Variants in NAV2 observed in about 807,000 individuals in gnomAD.
NAV2 encodes neuron navigator 2.
Under a neutral mutation model 223.2 loss-of-function variants are expected in NAV2, and 54 were observed. The ratio of observed to expected loss-of-function variants is 0.24; its 90% confidence interval spans 0.19 to 0.30. The LOEUF is 0.30. Among genes scored for constraint, NAV2 ranks in the 10% least tolerant of loss-of-function variants. The probability of loss-of-function intolerance (pLI) is 1.00; values close to 1 mark genes in which losing one functional copy is unlikely to be tolerated. For missense variants in NAV2, 2,806 were observed against 3,147.5 expected (o/e 0.89, Z 2.60); for synonymous variants, 1,279 against 1,239.3 (o/e 1.03, Z -0.67).
At chr11:19,628,793 C>T (rs2047252821) in intron 1 of NAV2, among the ~76,000 whole-genome samples, 1 of 152,194 alleles carries the variant, frequency 6.6e-6, no homozygotes, top group Admixed American at 6.5e-5. Flanking sequence ...ACCAGGTACA[C>T]CAAGGTCCCC....
At chr11:20,095,621 G>T in intron 29 of NAV2, 51 bp from the exon 30 acceptor site, 1 of 1,343,238 alleles carries the variant, frequency 7.4e-7, no homozygotes, top group Non-Finnish European at 1.1e-6. Context: ...GCTGAACTGA[G>T]TCAGAAAAGA....
At chr11:19,784,371 A>G (rs940771780) in intron 1 of NAV2, among the ~76,000 whole-genome samples, 1 of 144,370 alleles carries the variant, frequency 6.9e-6, no homozygotes, top group Non-Finnish European at 1.5e-5. Context: ...CTGGGCAACA[A>G]GATCAAAGCT....
chr11:19,847,801 C>T (rs1256777363), intron 3 of NAV2, among the ~76,000 whole-genome samples: 1 of 152,188 alleles, frequency 6.6e-6, no homozygotes, highest in Non-Finnish European at 1.5e-5. Context: ...TTCATCCTCC[C>T]AACAGCCCTT....
chr11:19,862,593 T>A (rs1565450395), intron 3 of NAV2, among the ~76,000 whole-genome samples: 2 of 152,178 alleles, frequency 1.3e-5, no homozygotes, highest in South Asian at 4.1e-4. Context: ...CCTAGGAGAA[T>A]TGGAAGCACC....
intron 5 of NAV2, among the ~76,000 whole-genome samples, chr11:19,890,318 CT>C (rs1236514756): frequency 6.6e-6 from 1 of 152,184 alleles, no homozygotes; most frequent in Non-Finnish European, 1.5e-5. Flanking sequence ...AAGGTTGTGT[CT>C]TTCCCATCCT....
chr11:19,375,631 T>C (rs1848616234), intron 1 of NAV2, among the ~76,000 whole-genome samples: 1 of 152,238 alleles, frequency 6.6e-6, no homozygotes, highest in Non-Finnish European at 1.5e-5. Context: ...AATCACTGGA[T>C]GCTGTGGCTC....
upstream of NAV2, among the ~76,000 whole-genome samples, chr11:19,709,470 A>G (rs940945309): frequency 2.2e-5 from 3 of 137,320 alleles, no homozygotes; most frequent in Non-Finnish European, 3.1e-5. Context: ...TGTACCCAGG[A>G]GGCGGAGCTT....
intron 11 of NAV2, among the ~76,000 whole-genome samples, chr11:19,991,650 C>A (rs2051347209): frequency 6.6e-6 from 1 of 151,742 alleles, no homozygotes; most frequent in Non-Finnish European, 1.5e-5. Context: ...ATATGATGTG[C>A]AAAAAAAGGT....
intron 3 of NAV2, among the ~76,000 whole-genome samples, chr11:19,866,680 G>A (rs1416650859): frequency 2.6e-5 from 4 of 152,126 alleles, no homozygotes; most frequent in African/African-American, 7.2e-5. Context: ...TTGTAGTAGA[G>A]CAGTGCTTTT....
At chr11:19,699,953 GC>G (rs1241218303) in intron 1 of NAV2, among the ~76,000 whole-genome samples, 58 of 152,210 alleles carry the variant, frequency 3.8e-4, no homozygotes, top group Admixed American at 3.0e-3. Flanking sequence ...ATCCCCGTGA[GC>G]CAGAGGGACA....
At chr11:19,496,840 A>C (rs550081525) in intron 1 of NAV2, among the ~76,000 whole-genome samples, 1 of 152,210 alleles carries the variant, frequency 6.6e-6, no homozygotes, top group African/African-American at 2.4e-5. Context: ...ACAAAAACAG[A>C]AACAAAACAA....
At chr11:20,062,679 G>T (rs1037182696) in intron 20 of NAV2, among the ~76,000 whole-genome samples, 1 of 152,114 alleles carries the variant, frequency 6.6e-6, no homozygotes, top group East Asian at 1.9e-4. Flanking sequence ...TCCTTTGTCT[G>T]CCTCAGTTTC....
intron 1 of NAV2, among the ~76,000 whole-genome samples, chr11:19,598,837 G>C (rs1175319903): frequency 6.6e-6 from 1 of 152,038 alleles, no homozygotes; most frequent in Admixed American, 6.5e-5. Flanking sequence ...AATATCCCCC[G>C]TGATTTTTCT....
chr11:20,033,542 G>A (rs1303687358), intron 11 of NAV2, among the ~76,000 whole-genome samples: 1 of 152,196 alleles, frequency 6.6e-6, no homozygotes, highest in Non-Finnish European at 1.5e-5. Flanking sequence ...AGTGTGCAGA[G>A]TTCCAGAGCT....
intron 1 of NAV2, among the ~76,000 whole-genome samples, chr11:19,752,575 G>C (rs1322151722): frequency 2.0e-5 from 3 of 151,888 alleles, no homozygotes; most frequent in Non-Finnish European, 4.4e-5. Context: ...TGTATATTTT[G>C]TGACCCATAT....
intron 11 of NAV2, among the ~76,000 whole-genome samples, chr11:19,989,706 A>T (rs2051140054): frequency 6.6e-6 from 1 of 152,056 alleles, no homozygotes. Flanking sequence ...TATCTCATTT[A>T]CCCCTGACCC....
In NAV2 at chr11:19,934,292, C is replaced by A; in HGVS notation, c.2033+15C>A. ...TTCCTGTACAGGTAGGAGCTGCCACCCACCTGTGCTGCCTGGGACATTGGG... is the reference window on the plus strand; with the variant it reads ...TTCCTGTACAGGTAGGAGCTGCCACACACCTGTGCTGCCTGGGACATTGGG... On this transcript the variant is annotated intron_variant, in intron 7 of 37. Coordinates refer to ENST00000349880, the MANE Select transcript of NAV2 (RefSeq NM_145117.5). 1 of 1,554,964 alleles carries A rather than the reference C, an allele frequency of 6.4e-7. No homozygotes were observed. The highest frequency in any genetic ancestry group is 8.7e-7 in the Non-Finnish European group (1 of 1,148,664).
At chr11:19,996,976 A>T (rs980198854) in intron 11 of NAV2, among the ~76,000 whole-genome samples, 4 of 152,070 alleles carry the variant, frequency 2.6e-5, no homozygotes, top group Non-Finnish European at 5.9e-5. Flanking sequence ...CTCTTTCTTT[A>T]GCTGACCCTG....
At chr11:19,485,088 T>G (rs1472677819) in intron 1 of NAV2, among the ~76,000 whole-genome samples, 1 of 152,166 alleles carries the variant, frequency 6.6e-6, no homozygotes, top group Non-Finnish European at 1.5e-5. Context: ...CACCTTGGCC[T>G]TGCCCTAGAA....
Sources: gnomAD v4.1 joint callset for allele counts (sites outside exome capture counted in the v4.1 genomes callset) on GRCh38, gnomAD v4.1.1 for gene constraint, MANE v1.5 for transcripts, NCBI Gene and HGNC (gene_info 2026-07-23, HGNC 2026-07-21) for gene names.